Variants in TCF12 observed in about 807,000 individuals in gnomAD.
TCF12 encodes DNA-binding protein HTF4.
A neutral mutation model predicts 86.0 loss-of-function variants in TCF12; 45 were observed. The ratio of observed to expected loss-of-function variants is 0.52; its 90% CI spans 0.41 to 0.67. The LOEUF (loss-of-function observed/expected upper bound fraction) is 0.67. Among genes scored for constraint, TCF12 ranks in the 30% least tolerant of loss-of-function variants. The probability of loss-of-function intolerance (pLI) is 0.00; values close to 1 mark genes in which losing one functional copy is unlikely to be tolerated. For synonymous variants in TCF12, 330 were observed against 299.6 expected (o/e 1.10, Z -1.05); for missense variants, 881 against 859.9 (o/e 1.02, Z -0.31).
intron 8 of TCF12, among the ~76,000 whole-genome samples, chr15:57,226,380 G>A (rs1227127095): frequency 6.6e-6 from 1 of 151,894 alleles, no homozygotes; most frequent in East Asian, 1.9e-4. Flanking sequence ...AAATAATTTT[G>A]TTATGTTTTG....
intron 3 of TCF12, among the ~76,000 whole-genome samples, chr15:56,955,446 A>G (rs1263990200): frequency 3.3e-5 from 5 of 152,130 alleles, no homozygotes; most frequent in African/African-American, 1.2e-4. Context: ...AGAAATACCT[A>G]ATGTAAATGA....
At chr15:57,182,496 C>T (rs1244487648) in intron 6 of TCF12, among the ~76,000 whole-genome samples, 3 of 151,924 alleles carry the variant, frequency 2.0e-5, no homozygotes, top group East Asian at 3.9e-4. Flanking sequence ...TTTTAATTAA[C>T]AGGATAAAAT....
intron 3 of TCF12, among the ~76,000 whole-genome samples, chr15:56,954,910 G>A (rs2140486279): frequency 6.6e-6 from 1 of 152,320 alleles, no homozygotes; most frequent in East Asian, 1.9e-4. Flanking sequence ...AACAGGTGCT[G>A]GAGAGGATGT....
At chr15:57,167,642 T>C (rs1475172465) in intron 6 of TCF12, among the ~76,000 whole-genome samples, 5 of 152,030 alleles carry the variant, frequency 3.3e-5, no homozygotes, top group South Asian at 2.1e-4. Context: ...AAAATAAATA[T>C]ATTGTAAAAA....
chr15:57,178,413 A>G (rs2056109115), intron 6 of TCF12, among the ~76,000 whole-genome samples: 1 of 152,188 alleles, frequency 6.6e-6, no homozygotes, highest in South Asian at 2.1e-4. Context: ...ACTCTTAATT[A>G]TACTTACAAA....
At chr15:56,918,365 C>G (rs1421820421), upstream of TCF12, 4 of 392,984 alleles carry the variant, frequency 1.0e-5, no homozygotes, top group East Asian at 1.6e-4. Context: ...CGGTACCTGC[C>G]ACCCCGCTCC....
chr15:57,082,247 G>A (rs747038735), intron 4 of TCF12, among the ~76,000 whole-genome samples: 1 of 152,210 alleles, frequency 6.6e-6, no homozygotes, highest in South Asian at 2.1e-4. Flanking sequence ...GTATTATTAC[G>A]GCCATGGGTC....
At chr15:57,008,377 T>TTTTTTTTC (rs10671412) in intron 3 of TCF12, among the ~76,000 whole-genome samples, 139,276 of 147,810 alleles carry the variant, frequency 0.94, 65,896 homozygotes, top group Non-Finnish European at 0.98. Context: ...AAAATACCCT[T>TTTTTTTTC]TTTTTTTCTT....
At chr15:57,257,291 T>C (rs940699402) in intron 16 of TCF12, among the ~76,000 whole-genome samples, 4 of 152,198 alleles carry the variant, frequency 2.6e-5, no homozygotes, top group Admixed American at 6.5e-5. Context: ...TTGAGAGTTT[T>C]ATTGAAGTAA....
chr15:56,934,369 T>C (rs2060376364), intron 3 of TCF12, among the ~76,000 whole-genome samples: 1 of 152,226 alleles, frequency 6.6e-6, no homozygotes, highest in African/African-American at 2.4e-5. Flanking sequence ...GATACACTTT[T>C]ATACTCCTGA....
chr15:57,154,290 AC>A (rs2053968153), intron 5 of TCF12, among the ~76,000 whole-genome samples: 1 of 152,128 alleles, frequency 6.6e-6, no homozygotes, highest in Non-Finnish European at 1.5e-5. Flanking sequence ...CACACTGCTA[AC>A]CCTGGCGCTC....
intron 3 of TCF12, among the ~76,000 whole-genome samples, chr15:56,936,086 T>C (rs1431899550): frequency 6.6e-6 from 1 of 152,234 alleles, no homozygotes; most frequent in Non-Finnish European, 1.5e-5. Flanking sequence ...CTGTAGTGGT[T>C]GTACTAGTTT....
intron 8 of TCF12, chr15:57,214,427 G>A (rs2058249627): frequency 6.6e-6 from 1 of 152,124 alleles, no homozygotes; most frequent in Admixed American, 6.6e-5. Context: ...CCTCATTATA[G>A]TCGTATGGTT....
chr15:57,225,954 G>A (rs1181948836), intron 8 of TCF12, among the ~76,000 whole-genome samples: 1 of 151,198 alleles, frequency 6.6e-6, no homozygotes, highest in Non-Finnish European at 1.5e-5. Context: ...TTGGTGTGCT[G>A]CACCCATTAA....
intron 3 of TCF12, among the ~76,000 whole-genome samples, chr15:57,031,589 G>A (rs1362392902): frequency 6.6e-6 from 1 of 152,162 alleles, no homozygotes; most frequent in South Asian, 2.1e-4. Context: ...CTTTAGAATT[G>A]AATTTAATTA....
chr15:57,201,956 A>C (rs112066111), intron 8 of TCF12, among the ~76,000 whole-genome samples: 1 of 152,044 alleles, frequency 6.6e-6, no homozygotes, highest in South Asian at 2.1e-4. Flanking sequence ...TTGTCGGGGG[A>C]AAAAAAGGAA....
At chr15:57,003,416 C>G (rs983985179) in intron 3 of TCF12, among the ~76,000 whole-genome samples, 1 of 152,136 alleles carries the variant, frequency 6.6e-6, no homozygotes, top group Non-Finnish European at 1.5e-5. Flanking sequence ...TAACTCATTC[C>G]TGAACTAAGT....
At chr15:57,240,483 A>C (rs1179989502) in intron 12 of TCF12, among the ~76,000 whole-genome samples, 1 of 152,166 alleles carries the variant, frequency 6.6e-6, no homozygotes, top group Non-Finnish European at 1.5e-5. Flanking sequence ...TCCCTTGCCA[A>C]TATTGTAGTC....
intron 5 of TCF12, among the ~76,000 whole-genome samples, chr15:57,107,274 C>A (rs1244039549): frequency 7.1e-6 from 1 of 140,658 alleles, no homozygotes; most frequent in Non-Finnish European, 1.6e-5. Context: ...ATGGAGGAAC[C>A]GTAAGTGCAG....
Sources: gnomAD v4.1 joint callset for allele counts (sites outside exome capture counted in the v4.1 genomes callset) on GRCh38, gnomAD v4.1.1 for gene constraint, MANE v1.5 for transcripts, NCBI Gene and HGNC (gene_info 2026-07-23, HGNC 2026-07-21) for gene names.